Variants in ITGA4 observed in about 807,000 individuals in gnomAD.
The protein encoded by ITGA4 is integrin subunit alpha 4.
In ITGA4, 63 loss-of-function variants were observed where a neutral mutation model predicts 133.6. The ratio of observed to expected loss-of-function variants is 0.47; its 90% confidence interval spans 0.38 to 0.58. The LOEUF (loss-of-function observed/expected upper bound fraction) is 0.58. ITGA4 is among the 20% of genes least tolerant of loss of function. The pLI, the probability that ITGA4 is intolerant of heterozygous loss-of-function variation, is 0.00. For synonymous variants in ITGA4, 483 were observed against 438.0 expected, an observed-to-expected ratio of 1.10 and a Z score of -1.28; for missense variants, 1,076 against 1,252.7, an observed-to-expected ratio of 0.86 and a Z score of 2.13.
chr2:181,473,768 A>T (rs1360356679), intron 2 of ITGA4, among the ~76,000 whole-genome samples: 4 of 152,176 alleles, frequency 2.6e-5, no homozygotes, highest in African/African-American at 9.7e-5. Context: ...AGAGTTCAAG[A>T]CCAGTATGGG....
At chr2:181,514,083 A>G (rs182962496) in intron 17 of ITGA4, among the ~76,000 whole-genome samples, 36 of 152,268 alleles carry the variant, frequency 2.4e-4, no homozygotes, top group African/African-American at 8.4e-4. Flanking sequence ...AGCCTTAGTT[A>G]AGAATCTCCT....
rs142968487 is a variant in ITGA4, at chr2:181,520,588, G to A, written c.1923-1603G>A. Among the ~76,000 whole-genome samples the A allele has an allele frequency of 4.4e-3, 676 of 152,130 alleles. 6 individuals carry two copies. The highest frequency in any genetic ancestry group is 0.015 in the African/African-American group (638 of 41,500). On this transcript the variant is annotated intron_variant, in intron 17 of 27. Transcript: ENST00000397033. ...AGAAACTCAATCCAAGTGAATTTAG[G>A]TTCAATCATGACATTTTCAGACTTA...
Position 181,490,484 on chromosome 2 carries a change from C to CGTGTGT in ITGA4, c.1154-2804_1154-2799dup, listed in dbSNP as rs35723610. On this transcript the variant is annotated intron_variant, in intron 10 of 27. Coordinates refer to ENST00000397033, the MANE Select transcript of ITGA4 (RefSeq NM_000885.6). Reference sequence around the variant, plus strand: ...TTTTTTTTTATGGCTGAATAGTATTCGTGTGTGTGTGTGTGTGTGTGTGTG... The same window carrying CGTGTGT: ...TTTTTTTTTATGGCTGAATAGTATTCGTGTGTGTGTGTGTGTGTGTGTGTGTGTGTG... Among the ~76,000 whole-genome samples the CGTGTGT allele has an allele frequency of 1.4e-3, 197 of 137,818 alleles. 1 individual carries two copies. The highest frequency in any genetic ancestry group is 4.3e-3 in the African/African-American group (157 of 36,682). 90.4% of individuals were successfully genotyped at this position (137,818 alleles called of 152,430 possible).
chr2:181,513,005 T>A (rs1466561078), intron 17 of ITGA4, among the ~76,000 whole-genome samples: 1 of 152,128 alleles, frequency 6.6e-6, no homozygotes, highest in Non-Finnish European at 1.5e-5. Context: ...CATACTTGAA[T>A]TCCACTCTGA....
rs1687100202 is a variant in ITGA4 at position 181,536,544 on chromosome 2, TTTACAAGTATAAGTG to T, written c.*1022_*1036del. The T allele has an allele frequency of 1.0e-4, 4 of 38,448 alleles. No homozygotes were observed. The South Asian group carries it at 1.8e-3, about 18-fold the overall frequency. The allele number at this position is 38,448 out of a possible 1,614,324, so 2.4% of individuals were successfully genotyped here. A position where few individuals can be genotyped will look rare whatever the true frequency, so the allele number is the denominator to read the frequency against. On this transcript the variant is annotated 3_prime_UTR_variant, in exon 28 of 28. Transcript: ENST00000397033. ...CCTTGGATGTAATTCTTTGTTACCC[TTTACAAGTATAAGTG>T]TTACCTTACATGGAAACGAAGAAAC...
Position 181,536,195 on chromosome 2 carries a change from T to A in ITGA4, c.*668T>A, listed in dbSNP as rs1687078619. The A allele has an allele frequency of 6.6e-6, 1 of 152,068 alleles. No homozygotes were observed. Among genetic ancestry groups the A allele is most frequent in the African/African-American group, 2.4e-5 (1 of 41,438 alleles). 9.4% of individuals were successfully genotyped at this position (152,068 alleles called of 1,614,324 possible). On this transcript the variant is annotated 3_prime_UTR_variant, in exon 28 of 28. Coordinates refer to ENST00000397033, the MANE Select transcript of ITGA4 (RefSeq NM_000885.6). The stretch of plus-strand genomic sequence containing the variant: ...AGTGAAATTACTTCTGGATAATTAT[T>A]TTTTTATAATTATGGATTTCACCAT...
chr2:181,524,371 A>G (rs1000999673), intron 20 of ITGA4, 121 bp downstream of exon 20: 22 of 566,384 alleles, frequency 3.9e-5, no homozygotes, highest in Non-Finnish European at 6.1e-5. Flanking sequence ...CTTACGTGGT[A>G]TGCTTTTAAA....
At chr2:181,493,562 A>G (rs528042776) in intron 11 of ITGA4, 143 bp downstream of exon 11, 1 of 521,414 alleles carries the variant, frequency 1.9e-6, no homozygotes, top group East Asian at 3.2e-5. Flanking sequence ...ATAGTGGCAA[A>G]TGATCTTATT....
In ITGA4 at chr2:181,523,970, G is replaced by A. The variant is rs930384652; in HGVS notation, c.2170-201G>A. Among the ~76,000 whole-genome samples, 1 of 152,106 alleles carries A rather than the reference G, an allele frequency of 6.6e-6. No individual in the cohort carries two copies. Among genetic ancestry groups the A allele is most frequent in the Non-Finnish European group, 1.5e-5 (1 of 68,034 alleles). On this transcript the variant is annotated intron_variant, in intron 19 of 27. Coordinates refer to ENST00000397033, the MANE Select transcript of ITGA4 (RefSeq NM_000885.6). The surrounding 1 kb of genome is among the most constrained non-coding windows in gnomAD (Gnocchi z 4.2). ...AGACGTCTTTGTCTCTGAATGTTAC[G>A]TGTGGATATGTGTGTACTTTAAAAT...
Position 181,536,641 on chromosome 2 carries a change from T to C in ITGA4, c.*1114T>C, listed in dbSNP as rs576985108. 5.8e-6 allele frequency: 1 copy of C among 172,624 alleles called. No homozygotes were observed. Among genetic ancestry groups the C allele is most frequent in the East Asian group, 1.7e-4 (1 of 5,956 alleles). The allele number at this position is 172,624 out of a possible 1,614,324, so 10.7% of individuals were successfully genotyped here. A position where few individuals can be genotyped will look rare whatever the true frequency, so the allele number is the denominator to read the frequency against. ...CTGAAAGATACTGATTCAATTTGTA[T>C]ACAGTGAATATAAATGAGACGACAG... On this transcript the variant is annotated 3_prime_UTR_variant, in exon 28 of 28. Transcript: ENST00000397033.
intron 10 of ITGA4, among the ~76,000 whole-genome samples, chr2:181,492,591 C>A (rs1247542696): frequency 6.6e-6 from 1 of 152,124 alleles, no homozygotes; most frequent in African/African-American, 2.4e-5. Flanking sequence ...ATATTTATAG[C>A]ATTTAAGCAA....
rs1394387929 is a variant in ITGA4 at position 181,523,367 on chromosome 2, T to A, written c.2074-70T>A. On this transcript the variant is annotated intron_variant, in intron 18 of 27. Coordinates refer to ENST00000397033, the MANE Select transcript of ITGA4 (RefSeq NM_000885.6). This position sits in a 1 kb window ranked among gnomAD's most constrained non-coding sequence, Gnocchi z 4.2. ...GGGATGATATTCTTTTCAATAACCA[T>A]CCTTAAACATATGTTACAAACTTTT... 2.3e-6 allele frequency: 2 copies of A among 866,050 alleles called. No individual in the cohort carries two copies. The highest frequency in any genetic ancestry group is 3.9e-6 in the Non-Finnish European group (2 of 509,490). The allele number at this position is 866,050 out of a possible 1,614,324, so 53.6% of individuals were successfully genotyped here.
intron 15 of ITGA4, among the ~76,000 whole-genome samples, chr2:181,503,247 G>A (rs760878688): frequency 1.1e-4 from 16 of 152,022 alleles, no homozygotes; most frequent in South Asian, 1.0e-3. Flanking sequence ...CTTTGATGGC[G>A]GGGAATTCGG....
intron 2 of ITGA4, chr2:181,458,792 G>C (rs1472822208): frequency 6.4e-6 from 1 of 156,876 alleles, no homozygotes; most frequent in East Asian, 1.8e-4. Flanking sequence ...AAAAAAAAGT[G>C]ATAGTTTTAC....
At chr2:181,509,381 C>G (rs190944318) in intron 15 of ITGA4, among the ~76,000 whole-genome samples, 10 of 151,864 alleles carry the variant, frequency 6.6e-5, no homozygotes, top group African/African-American at 2.4e-4. Flanking sequence ...TAGAAAATAG[C>G]ATGGAAGAAA....
chr2:181,457,935 CT>C (rs1312104004), intron 1 of ITGA4, 84 bp downstream of exon 1: 1 of 1,329,220 alleles, frequency 7.5e-7, no homozygotes, highest in Non-Finnish European at 1.0e-6. Context: ...CCGATTCAAA[CT>C]TTCCTCCCTC....
At chr2:181,524,450 TATTAG>T (rs1686792128) in intron 20 of ITGA4, 200 bp downstream of exon 20, 6 of 471,900 alleles carry the variant, frequency 1.3e-5, no homozygotes, top group Admixed American at 8.4e-5. Flanking sequence ...GTTAAGTATT[TATTAG>T]ATTAGATTAG....
rs537103343 is a variant in ITGA4 at position 181,535,468 on chromosome 2, CAAG to C, written c.3046_3048del (p.Glu1016del). 2,292 of 1,609,436 alleles carry C rather than the reference CAAG, an allele frequency of 1.4e-3. 60 individuals are homozygous for C. The South Asian group carries it at 0.023, about 16-fold the overall frequency. ...TAAAAGACAATACAAATCTATCCTA[CAAG>C]AAGAAAACAGAAGAGACAGTTGGAG... On this transcript the variant is annotated inframe_deletion, in exon 28 of 28. Transcript: ENST00000397033.
intron 22 of ITGA4, 41 bp from the exon 23 acceptor site, chr2:181,529,500 G>A: frequency 1.0e-6 from 1 of 983,516 alleles, no homozygotes; most frequent in Non-Finnish European, 1.6e-6. Context: ...TACATTTATA[G>A]AAAACATTTA....
Sources: gnomAD v4.1 joint callset for allele counts (sites outside exome capture counted in the v4.1 genomes callset) on GRCh38, gnomAD v4.1.1 for gene constraint, Gnocchi (gnomAD v3.1) non-coding constraint, MANE v1.5 for transcripts, NCBI Gene and HGNC (gene_info 2026-07-23, HGNC 2026-07-21) for gene names.